The following ZZEF1 variants were observed in gnomAD, a reference collection of about 807,000 sequenced individuals.
ZZEF1 encodes the protein zinc finger ZZ-type and EF-hand domain containing 1.
ZZEF1 carries 157 observed loss-of-function variants against 342.8 expected under a neutral mutation model. The ratio of observed to expected loss-of-function variants is 0.46; its 90% confidence interval spans 0.40 to 0.52. The LOEUF (loss-of-function observed/expected upper bound fraction) is 0.52, where lower values mean the gene tolerates loss of function less well. Ranked by LOEUF, ZZEF1 falls within the 20% of genes least tolerant of loss-of-function variation. ZZEF1 has a pLI of 0.00. For synonymous variants in ZZEF1, 1,505 were observed against 1,429.1 expected (o/e 1.05, Z -1.20); for missense variants, 3,480 against 3,725.6 (o/e 0.93, Z 1.72).
intron 12 of ZZEF1, among the ~76,000 whole-genome samples, chr17:4,089,629 C>A: frequency 7.3e-6 from 1 of 136,522 alleles, no homozygotes. Context: ...CACACTGTAG[C>A]ATGGCTAAGG....
intron 9 of ZZEF1, among the ~76,000 whole-genome samples, chr17:4,098,926 A>G (rs2145423072): frequency 6.6e-6 from 1 of 152,360 alleles, no homozygotes; most frequent in South Asian, 2.1e-4. Context: ...CCAATTATTG[A>G]ACTCTTACCT....
chr17:4,129,229 A>T (rs902341298), intron 1 of ZZEF1, among the ~76,000 whole-genome samples: 9 of 152,212 alleles, frequency 5.9e-5, no homozygotes, highest in Admixed American at 5.9e-4. Flanking sequence ...AGAACAGGAT[A>T]ACTATTAACT....
chr17:4,036,710 G>A (rs546133337), intron 39 of ZZEF1, among the ~76,000 whole-genome samples: 94 of 145,876 alleles, frequency 6.4e-4, no homozygotes, highest in African/African-American at 2.3e-3. Flanking sequence ...CAGCCTGGGC[G>A]ACAAGAGGGA....
rs771509669 is a variant in ZZEF1 at position 4,032,888 on chromosome 17, C to A, written c.6699G>T (p.Leu2233=). ...TGTTGGTGTGCTTCAGCTGGAATGG[C>A]AGCTGCTTGATGCAGTGGTCTGTGA... ...ATFTDHCIKQ[L]PFQLKHTNIF... The change falls in exon 41 of 55, where the codon CTG becomes CTT. Residue 2233 remains leucine (L), a synonymous_variant. Coordinates refer to ENST00000381638, the MANE Select transcript of ZZEF1 (RefSeq NM_015113.4). The A allele has an allele frequency of 1.2e-6, 2 of 1,614,148 alleles. No individual in the cohort carries two copies. The highest frequency in any genetic ancestry group is 1.7e-6 in the Non-Finnish European group (2 of 1,180,012).
At chr17:4,086,879 A>T (rs2057840795) in intron 14 of ZZEF1, among the ~76,000 whole-genome samples, 1 of 152,024 alleles carries the variant, frequency 6.6e-6, no homozygotes, top group Non-Finnish European at 1.5e-5. Context: ...AAGGAAGTTC[A>T]TTTCTTTTTG....
At position 4,077,863 on chromosome 17, in the gene ZZEF1, G is replaced by A. The variant is rs2057652238; in HGVS notation, c.2989+20C>T. The A allele has an allele frequency of 6.2e-7, 1 of 1,610,954 alleles. No homozygotes were observed. ...AACCCAAACGCCATCTGTTTTCATG[G>A]ATTTTATATTGAAACTCACATTTTT... is the stretch of plus-strand genomic sequence containing the variant. On this transcript the variant is annotated intron_variant, in intron 19 of 54. Transcript: ENST00000381638.
At chr17:4,070,584 G>A in intron 26 of ZZEF1, 100 bp downstream of exon 26, 1 of 1,337,728 alleles carries the variant, frequency 7.5e-7, no homozygotes, top group Non-Finnish European at 1.0e-6. Context: ...ATAGAAATGT[G>A]TTTATATTTT....
At position 4,104,938 on chromosome 17, in the gene ZZEF1, AAATATTT is replaced by A; in HGVS notation, c.1395-134_1395-128del. 3 of 782,054 alleles carry A rather than the reference AAATATTT, an allele frequency of 3.8e-6. No homozygotes were observed. In the Admixed American group the frequency reaches 9.6e-5, roughly 25 times the overall value. 48.4% of individuals were successfully genotyped at this position (782,054 alleles called of 1,614,324 possible). On this transcript the variant is annotated intron_variant, in intron 7 of 54. Transcript: ENST00000381638. Reference sequence around the variant, plus strand: ...CATATGCTTTCTACAGGTTTATCCGAAATATTTTTCAAAATCCTTAAGGTAACCTAAG... The same window carrying A: ...CATATGCTTTCTACAGGTTTATCCGATTCAAAATCCTTAAGGTAACCTAAG...
At chr17:4,053,690 G>A (rs2057096932) in intron 34 of ZZEF1, among the ~76,000 whole-genome samples, 1 of 152,210 alleles carries the variant, frequency 6.6e-6, no homozygotes, top group African/African-American at 2.4e-5. Flanking sequence ...TAGAAGTCAA[G>A]TGTACGAGGA....
intron 32 of ZZEF1, chr17:4,056,790 G>A (rs2057170344): frequency 6.6e-6 from 1 of 152,184 alleles, no homozygotes; most frequent in Non-Finnish European, 1.5e-5. Flanking sequence ...CAGCTGCTGT[G>A]AGACCTTGAC....
intron 14 of ZZEF1, 98 bp downstream of exon 14, chr17:4,087,336 G>T: frequency 1.2e-6 from 1 of 856,076 alleles, no homozygotes; most frequent in Non-Finnish European, 1.8e-6. Flanking sequence ...ACACTGGTAG[G>T]AAGTAAAAAA....
intron 14 of ZZEF1, 55 bp from the exon 15 acceptor site, chr17:4,086,710 C>T: frequency 6.3e-7 from 1 of 1,583,744 alleles, no homozygotes; most frequent in Non-Finnish European, 8.6e-7. Context: ...ATTTACTCTC[C>T]AAAGCCATAT....
At chr17:4,047,824 C>A (rs1265649608) in intron 37 of ZZEF1, among the ~76,000 whole-genome samples, 1 of 147,640 alleles carries the variant, frequency 6.8e-6, no homozygotes, top group Non-Finnish European at 1.5e-5. Flanking sequence ...GCCTGTAGTC[C>A]CAGTTACTTG....
At chr17:4,097,098 A>G (rs942660668) in intron 9 of ZZEF1, among the ~76,000 whole-genome samples, 2 of 151,950 alleles carry the variant, frequency 1.3e-5, no homozygotes, top group African/African-American at 4.8e-5. Flanking sequence ...CGTCTCTACT[A>G]AAAATACAAA....
intron 33 of ZZEF1, among the ~76,000 whole-genome samples, chr17:4,055,529 T>A (rs1208318263): frequency 6.6e-6 from 1 of 152,198 alleles, no homozygotes; most frequent in Non-Finnish European, 1.5e-5. Context: ...GCTGCTCCCA[T>A]GCTCACCAGG....
Position 4,105,806 on chromosome 17 carries a change from C to A in ZZEF1, c.1281G>T (p.Lys427Asn). The A allele has an allele frequency of 6.2e-7, 1 of 1,601,666 alleles. No homozygotes were observed. Among genetic ancestry groups the A allele is most frequent in the Non-Finnish European group, 8.5e-7 (1 of 1,176,488 alleles). The change falls in exon 7 of 55, where the codon AAG (lysine) becomes AAT (asparagine). Residue 427 changes from lysine (K) to asparagine (N), a missense_variant. Around this residue, in one of 5 missense-constraint regions of ZZEF1, gnomAD observed 1,528 missense variants for 1,624.1 expected, o/e 0.94. Transcript: ENST00000381638. ...FVQTVLHNTQKALRHMPPLSL... is the reference protein window; with the variant it reads ...FVQTVLHNTQNALRHMPPLSL... ...AGAGTGGAGGCATGTGCCGCAGCGC[C>A]TTCCTAGAAGAGGAAAATGTAAAAT... is the stretch of plus-strand genomic sequence containing the variant.
chr17:4,048,725 GT>G (rs890553108), intron 37 of ZZEF1, among the ~76,000 whole-genome samples: 3 of 151,664 alleles, frequency 2.0e-5, no homozygotes, highest in South Asian at 2.1e-4. Flanking sequence ...TTTTTTGGTT[GT>G]TTTTTTTGAG....
chr17:4,125,186 T>C (rs988855175), intron 1 of ZZEF1, among the ~76,000 whole-genome samples: 4 of 152,082 alleles, frequency 2.6e-5, no homozygotes, highest in Middle Eastern at 6.8e-3. Context: ...TCCCCAGATT[T>C]CAAACCCTTC....
chr17:4,052,512 CT>C (rs1255696542), intron 34 of ZZEF1, among the ~76,000 whole-genome samples: 1 of 152,072 alleles, frequency 6.6e-6, no homozygotes, highest in South Asian at 2.1e-4. Context: ...TTTGCTCTTC[CT>C]TTTTCACTCC....
Sources: gnomAD v4.1 joint callset for allele counts (sites outside exome capture counted in the v4.1 genomes callset) on GRCh38, gnomAD v4.1.1 for gene constraint, gnomAD v4.1.1 regional missense constraint, MANE v1.5 for transcripts, NCBI Gene and HGNC (gene_info 2026-07-23, HGNC 2026-07-21) for gene names.